KAZN: variants seen among roughly 807,000 people sequenced by gnomAD.
KAZN encodes kazrin, periplakin interacting protein.
KAZN carries 40 observed loss-of-function variants against 87.4 expected under a neutral mutation model. The observed-to-expected ratio is 0.46, with a 90% CI of 0.36 to 0.60. The LOEUF (loss-of-function observed/expected upper bound fraction) is 0.60, where lower values mean the gene tolerates loss of function less well. Ranked by LOEUF, KAZN falls within the 20% of genes least tolerant of loss-of-function variation. The probability of loss-of-function intolerance (pLI) is 0.00; values close to 1 mark genes in which losing one functional copy is unlikely to be tolerated. For missense variants in KAZN, 898 were observed against 1,073.9 expected (o/e 0.84, Z 2.29); for synonymous variants, 466 against 458.3 (o/e 1.02, Z -0.22).
chr1:15,040,671 CAGG>C (rs1402269861), intron 3 of KAZN, among the ~76,000 whole-genome samples: 1 of 151,904 alleles, frequency 6.6e-6, no homozygotes, highest in Non-Finnish European at 1.5e-5. Context: ...GAGGCTGAGG[CAGG>C]AGAATTGCTT....
chr1:14,436,356 G>T (rs1415576341), intron 2 of KAZN, among the ~76,000 whole-genome samples: 2 of 149,360 alleles, frequency 1.3e-5, no homozygotes, highest in African/African-American at 5.1e-5. Flanking sequence ...CCATGGCAGT[G>T]CTGGTGGTGG....
intron 1 of KAZN, among the ~76,000 whole-genome samples, chr1:14,125,338 A>T (rs1236485865): frequency 6.6e-6 from 1 of 152,176 alleles, no homozygotes; most frequent in Non-Finnish European, 1.5e-5. Flanking sequence ...CCCCAGAAAG[A>T]TATGTCCATG....
intron 1 of KAZN, among the ~76,000 whole-genome samples, chr1:14,104,556 G>A (rs919431176): frequency 2.0e-5 from 3 of 152,154 alleles, no homozygotes; most frequent in African/African-American, 7.2e-5. Context: ...CCTCAGGATC[G>A]CAAATAACAT....
At chr1:15,100,758 A>G (rs1009946214) in intron 10 of KAZN, among the ~76,000 whole-genome samples, 1 of 152,244 alleles carries the variant, frequency 6.6e-6, no homozygotes, top group Non-Finnish European at 1.5e-5. Context: ...AAGATGAGCC[A>G]CTGTGTGGCT....
intron 1 of KAZN, among the ~76,000 whole-genome samples, chr1:14,106,441 C>T (rs1247837937): frequency 3.3e-5 from 5 of 152,190 alleles, no homozygotes; most frequent in Admixed American, 1.3e-4. Context: ...AACCCACATC[C>T]CTCTTCTCAA....
chr1:14,440,442 G>A (rs917135607), intron 2 of KAZN, among the ~76,000 whole-genome samples: 1 of 152,150 alleles, frequency 6.6e-6, no homozygotes, highest in African/African-American at 2.4e-5. Context: ...TACCATATTG[G>A]ATTGTCAATT....
chr1:13,906,523 C>A (rs551413916), intron 1 of KAZN, among the ~76,000 whole-genome samples: 2 of 152,154 alleles, frequency 1.3e-5, no homozygotes, highest in African/African-American at 4.8e-5. Flanking sequence ...TGGGCTGGAC[C>A]GGCCCAGGTT....
chr1:14,836,393 ACTGCCCCAAGCAG>A (rs142324142), intron 1 of KAZN, among the ~76,000 whole-genome samples: 7,931 of 152,204 alleles, frequency 0.052, 316 homozygotes, highest in Non-Finnish European at 0.071. Flanking sequence ...CTCCTCCCTC[ACTGCCCCAAGCAG>A]CTGCCCCTTT....
rs1211203035 is a variant in KAZN, at chr1:15,056,757, A to C, written c.916+477A>C. The stretch of plus-strand genomic sequence containing the variant: ...CCTTGATTGACAGCTCTGGCCAATC[A>C]CAGGGCATCCAAGAGGGGCTGATGT... On this transcript the variant is annotated intron_variant, in intron 5 of 14. Coordinates refer to ENST00000376030, the MANE Select transcript of KAZN (RefSeq NM_201628.3). The surrounding 1 kb of genome is among the most constrained non-coding windows in gnomAD (Gnocchi z 5.4). Among the ~76,000 whole-genome samples the C allele has an allele frequency of 6.6e-6, 1 of 152,208 alleles. No individual in the cohort carries two copies. The highest frequency in any genetic ancestry group is 1.5e-5 in the Non-Finnish European group (1 of 68,032).
At chr1:14,530,198 GAC>G (rs1196401442) in intron 2 of KAZN, among the ~76,000 whole-genome samples, 3 of 152,110 alleles carry the variant, frequency 2.0e-5, no homozygotes, top group Non-Finnish European at 4.4e-5. Context: ...CTTCTACCAA[GAC>G]ACATTCCAGG....
intron 2 of KAZN, among the ~76,000 whole-genome samples, chr1:14,404,544 C>G (rs578228014): frequency 2.6e-5 from 4 of 152,224 alleles, no homozygotes; most frequent in East Asian, 3.9e-4. Context: ...TCCAGCAATT[C>G]CATTTCCTGA....
Position 15,077,184 on chromosome 1 carries a change from T to C in KAZN, c.1222+11431T>C, listed in dbSNP as rs571551571. On this transcript the variant is annotated intron_variant, in intron 8 of 14. Coordinates refer to ENST00000376030, the MANE Select transcript of KAZN (RefSeq NM_201628.3). The surrounding 1 kb of genome is among the most constrained non-coding windows in gnomAD (Gnocchi z 4.8). The stretch of plus-strand genomic sequence containing the variant: ...TAATTTTTTTTTAATTTAGTGTCCA[T>C]TGGGGGAAAATTTCCAAGGCCCTAA... Among the ~76,000 whole-genome samples, 34 of 152,260 alleles carry C rather than the reference T, an allele frequency of 2.2e-4. No homozygotes were observed. The highest frequency in any genetic ancestry group is 4.6e-4 in the Non-Finnish European group (31 of 68,010).
chr1:14,107,231 C>T (rs960117660), intron 1 of KAZN, among the ~76,000 whole-genome samples: 3 of 151,592 alleles, frequency 2.0e-5, no homozygotes, highest in African/African-American at 4.9e-5. Flanking sequence ...AGCCTTTCTC[C>T]GGGCAGTGAT....
chr1:15,063,790 A>T (rs905858723), intron 7 of KAZN, among the ~76,000 whole-genome samples, 168 bp downstream of exon 7: 36 of 150,640 alleles, frequency 2.4e-4, no homozygotes, highest in Non-Finnish European at 1.5e-4. Flanking sequence ...GGCGGAGAGG[A>T]TTTATGCCAC....
At position 14,404,805 on chromosome 1, in the gene KAZN, T is replaced by C. The variant is rs116537893; in HGVS notation, c.250-194178T>C. On this transcript the variant is annotated intron_variant, in intron 2 of 16. Coordinates refer to the KAZN transcript ENST00000636203. Reference sequence around the variant, plus strand: ...ATGCAAACACCAACATATATTGTCATTGACATGTATGTATTGTAAAAGAGT... The same window carrying C: ...ATGCAAACACCAACATATATTGTCACTGACATGTATGTATTGTAAAAGAGT... Among the ~76,000 whole-genome samples, 1,428 of 152,304 alleles carry C rather than the reference T, an allele frequency of 9.4e-3. 19 individuals carry two copies. Among genetic ancestry groups the C allele is most frequent in the African/African-American group, 0.032 (1,346 of 41,552 alleles).
At chr1:14,846,951 G>T (rs1648847751) in intron 1 of KAZN, among the ~76,000 whole-genome samples, 1 of 152,182 alleles carries the variant, frequency 6.6e-6, no homozygotes, top group Non-Finnish European at 1.5e-5. Flanking sequence ...CAGGGAGCGA[G>T]GGGCAGCAGG....
chr1:14,976,576 C>T (rs1665643810), intron 2 of KAZN, among the ~76,000 whole-genome samples: 1 of 152,186 alleles, frequency 6.6e-6, no homozygotes, highest in African/African-American at 2.4e-5. Flanking sequence ...AGCAGAAATG[C>T]GTGAGCCGGA....
chr1:14,763,347 ATCCC>A (rs1185209239), intron 1 of KAZN, among the ~76,000 whole-genome samples: 4 of 152,232 alleles, frequency 2.6e-5, no homozygotes, highest in Admixed American at 6.5e-5. Flanking sequence ...GGTTGCAAGC[ATCCC>A]ACTTTGGCTG....
intron 1 of KAZN, among the ~76,000 whole-genome samples, chr1:14,611,872 A>G (rs1328005882): frequency 6.6e-6 from 1 of 152,170 alleles, no homozygotes; most frequent in Non-Finnish European, 1.5e-5. Flanking sequence ...CAAATAATAA[A>G]TAGTTTAGGC....
Sources: gnomAD v4.1 joint callset for allele counts (sites outside exome capture counted in the v4.1 genomes callset) on GRCh38, gnomAD v4.1.1 for gene constraint, Gnocchi (gnomAD v3.1) non-coding constraint, MANE v1.5 for transcripts, NCBI Gene and HGNC (gene_info 2026-07-23, HGNC 2026-07-21) for gene names.